PER1: variants seen among roughly 807,000 people sequenced by gnomAD.
PER1 encodes the protein period circadian regulator 1.
A neutral mutation model predicts 125.9 loss-of-function variants in PER1; 87 were observed. The observed-to-expected ratio is 0.69, with a 90% CI of 0.58 to 0.83. The LOEUF is 0.83. Among genes scored for constraint, PER1 ranks in the 40% least tolerant of loss-of-function variants. The pLI, the probability that PER1 is intolerant of heterozygous loss-of-function variation, is 0.00. For synonymous variants in PER1, 801 were observed against 714.7 expected, an observed-to-expected ratio of 1.12 and a Z score of -1.93; for missense variants, 1,775 against 1,722.8, an observed-to-expected ratio of 1.03 and a Z score of -0.54.
chr17:8,142,068 A>G, intron 21 of PER1, 113 bp from the exon 22 acceptor site: 1 of 1,410,890 alleles, frequency 7.1e-7, no homozygotes, highest in African/African-American at 1.4e-5. Flanking sequence ...TCCTCCCCTA[A>G]ACTAGTGCTA....
rs2151859480 is a variant in PER1, at chr17:8,143,569, G to A, written c.2769C>T (p.Leu923=). The A allele has an allele frequency of 5.4e-6, 8 of 1,472,688 alleles. No individual in the cohort carries two copies. In the South Asian group the frequency reaches 7.0e-5, roughly 13 times the overall value. 91.2% of individuals were successfully genotyped at this position (1,472,688 alleles called of 1,614,324 possible). Residue 923 remains leucine, a synonymous_variant, in exon 19 of 23, where the codon CTC becomes CTT. Transcript: ENST00000317276. ...ATGGGGTTGGGAACAGATAGTTAGGGAGCACCAAGGCCACCATTGGGGTCA... is the reference window on the plus strand; with the variant it reads ...ATGGGGTTGGGAACAGATAGTTAGGAAGCACCAAGGCCACCATTGGGGTCA... ...PLVTPMVALV[L]PNYLFPTPSS... is the part of the protein sequence containing the mutation.
chr17:8,146,261 G>T, intron 16 of PER1, 111 bp downstream of exon 16: 1 of 1,517,976 alleles, frequency 6.6e-7, no homozygotes, highest in Non-Finnish European at 8.9e-7. Context: ...GAGACCAGGA[G>T]GCTGGGGAGG....
chr17:8,147,240 G>A lies in PER1; in HGVS notation c.1629+10C>T, dbSNP rs1191599095. Reference sequence around the variant, plus strand: ...GCGATTAGAGGGTGAGGTAGGAGCAGGTCACTCACTGGCGCAGGAGGCCCA... The same window carrying A: ...GCGATTAGAGGGTGAGGTAGGAGCAAGTCACTCACTGGCGCAGGAGGCCCA... On this transcript the variant is annotated intron_variant, in intron 13 of 22. Transcript: ENST00000317276. 1.9e-6 allele frequency: 3 copies of A among 1,601,086 alleles called. No individual in the cohort carries two copies. Among genetic ancestry groups the A allele is most frequent in the Non-Finnish European group, 8.5e-7 (1 of 1,173,798 alleles).
rs531082635 is a variant in PER1, at chr17:8,149,517, G to A, written c.798C>T (p.Phe266=). The stretch of plus-strand genomic sequence containing the variant: ...GGCGAGATGGAGCAGTGGAACCATA[G>A]AAGACTCCCACATCCTGGGGAGCCA... The part of the protein sequence containing the change: ...ELLAPQDVGV[F]YGSTAPSRLP... The change falls in exon 6 of 23, where the codon TTC becomes TTT. Residue 266 remains phenylalanine, a synonymous_variant. Coordinates refer to ENST00000317276, the MANE Select transcript of PER1 (RefSeq NM_002616.3). 8.1e-5 allele frequency: 130 copies of A among 1,613,924 alleles called. No homozygotes were observed. In the Admixed American group the frequency reaches 2.0e-3, roughly 24 times the overall value.
At position 8,147,917 on chromosome 17, in the gene PER1, C is replaced by G. The variant is rs1429951107; in HGVS notation, c.1234+80G>C. 3.8e-6 allele frequency: 6 copies of G among 1,581,260 alleles called. No homozygotes were observed. In the East Asian group the frequency reaches 1.1e-4, roughly 30 times the overall value. ...CCACTAGAGATCCAGGAGACCAAGG[C>G]ACCAAGAGACACAACCACAAGGGCA... On this transcript the variant is annotated intron_variant, in intron 10 of 22. Transcript: ENST00000317276.
In PER1 at chr17:8,149,475, T is replaced by C; in HGVS notation, c.840A>G (p.Thr280=). 1 of 1,613,134 alleles carries C rather than the reference T, an allele frequency of 6.2e-7. No homozygotes were observed. Among genetic ancestry groups the C allele is most frequent in the Non-Finnish European group, 8.5e-7 (1 of 1,179,346 alleles). The change falls in exon 6 of 23, where the codon ACA becomes ACG. Residue 280 remains threonine, a synonymous_variant. Transcript: ENST00000317276. ...TAPSRLPTWG[T]GASAGSGLRD... is the part of the protein sequence containing the mutation. Reference sequence around the variant, plus strand: ...TGGGCACCTCACCTGCTGAGGCCCCTGTGCCCCAGGTGGGCAGGCGAGATG... The same window carrying C: ...TGGGCACCTCACCTGCTGAGGCCCCCGTGCCCCAGGTGGGCAGGCGAGATG...
intron 7 of PER1, 119 bp from the exon 8 acceptor site, chr17:8,148,905 T>A: frequency 8.2e-7 from 1 of 1,225,000 alleles, no homozygotes; most frequent in Non-Finnish European, 1.1e-6. Context: ...GAGGCAGAGG[T>A]AGGCCGGGCA....
At position 8,150,315 on chromosome 17, in the gene PER1, G is replaced by T; in HGVS notation, c.278C>A (p.Thr93Lys). The change falls in exon 3 of 23, where the codon ACA becomes AAA. Residue 93 changes from threonine (T) to lysine (K), a missense_variant and splice_region_variant. Thr to Lys is a moderately conservative substitution (Grantham distance 78). Transcript: ENST00000317276. Reference sequence around the variant, plus strand: ...GGGTGGGGATGGGCTCTGAGAGTTTGTGCTAGGAGACAGCAACAGGCCCAG... The same window carrying T: ...GGGTGGGGATGGGCTCTGAGAGTTTTTGCTAGGAGACAGCAACAGGCCCAG... ...LLETTESSKS[T>K]NSQSPSPPSS... 1 of 1,550,228 alleles carries T rather than the reference G, an allele frequency of 6.5e-7. No individual in the cohort carries two copies. The highest frequency in any genetic ancestry group is 2.3e-5 in the East Asian group (1 of 44,268).
intron 18 of PER1, chr17:8,144,093 C>T (rs2079107881): frequency 3.0e-6 from 2 of 667,352 alleles, no homozygotes; most frequent in Non-Finnish European, 4.7e-6. Context: ...GGAACAAGGC[C>T]AGGGAGAGGT....
rs760145263 is a variant in PER1, at chr17:8,147,729, C to A, written c.1333G>T (p.Val445Leu). The A allele has an allele frequency of 1.2e-6, 2 of 1,614,114 alleles. No individual in the cohort carries two copies. Among genetic ancestry groups the A allele is most frequent in the Non-Finnish European group, 1.7e-6 (2 of 1,180,020 alleles). Reference protein sequence around the residue: ...VTMDTSWAGFVHPWSRKVAFV... With the variant: ...VTMDTSWAGFLHPWSRKVAFV... The stretch of plus-strand genomic sequence containing the variant: ...GCTACCTTGCGGCTCCAGGGGTGCA[C>A]AAAGCCAGCCCAGCTGGTGTCCATG... Residue 445 changes from valine (V) to leucine (L), a missense_variant, in exon 11 of 23, where the codon GTG (valine) becomes TTG (leucine). Physicochemically the swap from Val to Leu is conservative, Grantham distance 32. Transcript: ENST00000317276.
chr17:8,142,454 G>C lies in PER1; in HGVS notation c.3264C>G (p.Ser1088Arg), dbSNP rs1463502094. ...GGSTSASITR[S>R]SQSSHTSKYF... The stretch of plus-strand genomic sequence containing the variant: ...ATTTGCTTGTGTGGCTGCTCTGGCT[G>C]CTGCCTGTGAAGTGGGGGGCAGACC... Residue 1088 changes from serine to arginine, a missense_variant, in exon 21 of 23, where the codon AGC (serine) becomes AGG (arginine). Physicochemically the swap from Ser to Arg is moderately radical, Grantham distance 110 (BLOSUM62 -1). Coordinates refer to ENST00000317276, the MANE Select transcript of PER1 (RefSeq NM_002616.3). 4 of 1,576,974 alleles carry C rather than the reference G, an allele frequency of 2.5e-6. No individual in the cohort carries two copies. Among genetic ancestry groups the C allele is most frequent in the East Asian group, 4.5e-5 (2 of 44,478 alleles).
intron 19 of PER1, 23 bp downstream of exon 19, chr17:8,143,243 C>T (rs201989357): frequency 3.7e-4 from 528 of 1,425,630 alleles, no homozygotes; most frequent in Middle Eastern, 1.6e-3. Context: ...GGCTGGCAGG[C>T]AGACGCAGGG....
Position 8,147,729 on chromosome 17 carries a change from C to G in PER1, c.1333G>C (p.Val445Leu). ...VTMDTSWAGF[V>L]HPWSRKVAFV... ...GCTACCTTGCGGCTCCAGGGGTGCA[C>G]AAAGCCAGCCCAGCTGGTGTCCATG... is the stretch of plus-strand genomic sequence containing the variant. The change falls in exon 11 of 23, where the codon GTG becomes CTG. Residue 445 changes from valine (V) to leucine (L), a missense_variant. Coordinates refer to ENST00000317276, the MANE Select transcript of PER1 (RefSeq NM_002616.3). The G allele has an allele frequency of 6.2e-7, 1 of 1,614,114 alleles. No homozygotes were observed.
At chr17:8,150,166 C>G (rs1352527575) in intron 3 of PER1, 41 bp from the exon 4 acceptor site, 1 of 1,607,004 alleles carries the variant, frequency 6.2e-7, no homozygotes, top group African/African-American at 1.3e-5. Context: ...AGACATTAGT[C>G]CCAGAGTGTG....
Position 8,148,081 on chromosome 17 carries a change from G to T in PER1, c.1150C>A (p.Leu384Met). The change falls in exon 10 of 23, where the codon CTG becomes ATG. Residue 384 changes from leucine to methionine, a missense_variant. Physicochemically the swap from Leu to Met is conservative, Grantham distance 15. Coordinates refer to ENST00000317276, the MANE Select transcript of PER1 (RefSeq NM_002616.3). ...GGGGCCCCCAGGAGGTCCTGGGGCA[G>T]GTAGCCCAGCAGGGGGGCAGCCCTG... ...DERAAPLLGY[L>M]PQDLLGAPVL... is the part of the protein sequence containing the mutation. 6.2e-7 allele frequency: 1 copy of T among 1,612,346 alleles called. No homozygotes were observed. Among genetic ancestry groups the T allele is most frequent in the Non-Finnish European group, 8.5e-7 (1 of 1,179,274 alleles).
In PER1 at chr17:8,143,294, G is replaced by A. The variant is rs777136548; in HGVS notation, c.3044C>T (p.Ala1015Val). 1.6e-5 allele frequency: 25 copies of A among 1,576,354 alleles called. No individual in the cohort carries two copies. In the South Asian group the frequency reaches 2.4e-4, roughly 15 times the overall value. The change falls in exon 19 of 23, where the codon GCG (alanine) becomes GTG (valine). Residue 1015 changes from alanine (A) to valine (V), a missense_variant. Ala to Val is a moderately conservative substitution (Grantham distance 64). Coordinates refer to ENST00000317276, the MANE Select transcript of PER1 (RefSeq NM_002616.3). The stretch of plus-strand genomic sequence containing the variant: ...TCTGGCCTCTGGCTCAGCAGCCTCC[G>A]CACTGGGAGGTGGGGGCCCGGCACT... ...GSSAGPPPPS[A>V]EAAEPEARLA...
chr17:8,147,620 C>G (rs1355193100), intron 11 of PER1, 42 bp from the exon 12 acceptor site: 2 of 1,613,148 alleles, frequency 1.2e-6, no homozygotes, highest in East Asian at 4.5e-5. Context: ...CCGGTCCTGT[C>G]CCCCACCGCA....
Position 8,141,106 on chromosome 17 carries a change from T to A in PER1, c.3835A>T (p.Ser1279Cys). Reference protein sequence around the residue: ...EEEEEGRSSSSPALPTAGNCT... With the variant: ...EEEEEGRSSSCPALPTAGNCT... ...TTTCCTGCTGTAGGTAAGGCTGGAC[T>A]GGATGAGCTCCTGCCTTCTTCCTCC... The change falls in exon 23 of 23, where the codon AGT (serine) becomes TGT (cysteine). Residue 1279 changes from serine (S) to cysteine (C), a missense_variant. Physicochemically the swap from Ser to Cys is moderately radical, Grantham distance 112. Coordinates refer to ENST00000317276, the MANE Select transcript of PER1 (RefSeq NM_002616.3). 1 of 1,614,146 alleles carries A rather than the reference T, an allele frequency of 6.2e-7. No homozygotes were observed. The highest frequency in any genetic ancestry group is 8.5e-7 in the Non-Finnish European group (1 of 1,179,998).
chr17:8,143,577 A>G lies in PER1; in HGVS notation c.2761T>C (p.Leu921=), dbSNP rs1468744861. The G allele has an allele frequency of 1.6e-5, 23 of 1,467,500 alleles. No homozygotes were observed. Among genetic ancestry groups the G allele is most frequent in the Non-Finnish European group, 2.0e-5 (22 of 1,104,032 alleles). 90.9% of individuals were successfully genotyped at this position (1,467,500 alleles called of 1,614,324 possible). ...GGGAACAGATAGTTAGGGAGCACCA[A>G]GGCCACCATTGGGGTCACCAAAGGG... ...PAPLVTPMVA[L]VLPNYLFPTP... Residue 921 remains leucine (L), a synonymous_variant, in exon 19 of 23, where the codon TTG becomes CTG. Transcript: ENST00000317276.
Sources: gnomAD v4.1 joint callset for allele counts on GRCh38, gnomAD v4.1.1 for gene constraint, MANE v1.5 for transcripts, NCBI Gene and HGNC (gene_info 2026-07-23, HGNC 2026-07-21) for gene names.